The following HLTF variants were observed in gnomAD, a reference collection of about 807,000 sequenced individuals.
HLTF encodes the protein DNA-dependent ATPase/E3 ubiquitin-protein ligase HLTF.
HLTF carries 127 observed loss-of-function variants against 129.4 expected under a neutral mutation model. The ratio of observed to expected loss-of-function variants is 0.98; its 90% confidence interval spans 0.85 to 1.14. The LOEUF is 1.14. Ranked by LOEUF, HLTF falls within the 50% of genes most tolerant of loss-of-function variation. HLTF has a pLI of 0.00. For synonymous variants in HLTF, 332 were observed against 388.8 expected, an observed-to-expected ratio of 0.85 and a Z score of 1.72; for missense variants, 1,139 against 1,187.1, an observed-to-expected ratio of 0.96 and a Z score of 0.60.
intron 23 of HLTF, among the ~76,000 whole-genome samples, chr3:149,036,989 AAC>A (rs1715693332): frequency 6.6e-6 from 1 of 152,220 alleles, no homozygotes; most frequent in African/African-American, 2.4e-5. Context: ...TTTTGGTATT[AAC>A]CTCTTTGGTA....
intron 2 of HLTF, among the ~76,000 whole-genome samples, chr3:149,078,871 A>G (rs1401659123): frequency 2.0e-5 from 3 of 149,324 alleles, no homozygotes; most frequent in African/African-American, 5.0e-5. Flanking sequence ...AAAAAAAAAA[A>G]TAAGTTCAAA....
At chr3:149,071,775 G>A (rs1288715536) in intron 5 of HLTF, 118 bp from the exon 6 acceptor site, 4 of 681,704 alleles carry the variant, frequency 5.9e-6, no homozygotes, top group Non-Finnish European at 1.0e-5. Context: ...GGCCAGGAGT[G>A]GTGGCTCATG....
chr3:149,072,508 T>C (rs996224704), intron 5 of HLTF, among the ~76,000 whole-genome samples: 2 of 152,234 alleles, frequency 1.3e-5, no homozygotes, highest in African/African-American at 4.8e-5. Flanking sequence ...CTATTTAAAC[T>C]AGGTTAGTCC....
intron 15 of HLTF, among the ~76,000 whole-genome samples, chr3:149,049,919 G>A (rs1440756014): frequency 6.6e-6 from 1 of 151,952 alleles, no homozygotes; most frequent in Non-Finnish European, 1.5e-5. Context: ...CTGAAACCAG[G>A]AGGCAGAGGT....
chr3:149,059,773 A>G lies in HLTF; in HGVS notation c.1320T>C (p.Phe440=). The part of the protein sequence containing the change: ...GSSKVIEDVA[F]ACALTSSVPT... ...GAACAGATGAAGTTAATGCACATGC[A>G]AATGCCACATCTTCTATAACCTTAG... The change falls in exon 13 of 25, where the codon TTT becomes TTC. Residue 440 remains phenylalanine, a synonymous_variant. Coordinates refer to ENST00000310053, the MANE Select transcript of HLTF (RefSeq NM_003071.4). The G allele has an allele frequency of 6.2e-7, 1 of 1,604,516 alleles. No individual in the cohort carries two copies. Among genetic ancestry groups the G allele is most frequent in the Non-Finnish European group, 8.5e-7 (1 of 1,176,302 alleles).
intron 14 of HLTF, among the ~76,000 whole-genome samples, chr3:149,053,057 A>G (rs899369602): frequency 2.0e-5 from 3 of 152,222 alleles, no homozygotes; most frequent in Non-Finnish European, 2.9e-5. Flanking sequence ...CCCAGGTTCT[A>G]TTCCTTTACC....
Position 149,081,265 on chromosome 3 carries a change from T to TAA in HLTF, c.228+3415_228+3416dup, listed in dbSNP as rs62889662. ...AACCATATGCTTATTGAAAACACACTAAAAAAAAAAAAACAAAAAATAAAA... is the reference window on the plus strand; with the variant it reads ...AACCATATGCTTATTGAAAACACACTAAAAAAAAAAAAAAACAAAAAATAAAA... On this transcript the variant is annotated intron_variant, in intron 2 of 24. Coordinates refer to ENST00000310053, the MANE Select transcript of HLTF (RefSeq NM_003071.4). Among the ~76,000 whole-genome samples, 1,270 of 129,856 alleles carry TAA rather than the reference T, an allele frequency of 9.8e-3. 22 individuals carry two copies. Among genetic ancestry groups the TAA allele is most frequent in the African/African-American group, 0.034 (1,181 of 35,112 alleles). 85.2% of individuals were successfully genotyped at this position (129,856 alleles called of 152,430 possible). A position where few individuals can be genotyped will look rare whatever the true frequency, so the allele number is the denominator to read the frequency against.
At chr3:149,061,033 T>A (rs544288830) in intron 10 of HLTF, among the ~76,000 whole-genome samples, 175 bp from the exon 11 acceptor site, 3 of 152,320 alleles carry the variant, frequency 2.0e-5, no homozygotes, top group Non-Finnish European at 4.4e-5. Context: ...TCTGCTTTCA[T>A]AACCAGATAG....
Position 149,039,233 on chromosome 3 carries a change from A to T in HLTF, c.2616-4T>A. On this transcript the variant is annotated splice_region_variant and splice_polypyrimidine_tract_variant and intron_variant, in intron 22 of 24. Coordinates refer to ENST00000310053, the MANE Select transcript of HLTF (RefSeq NM_003071.4). ...AGTAAACACAAATCCAGAGGCTCTA[A>T]AGGGGGGAAGAAAAGAGACAAGTAA... 1 of 1,523,094 alleles carries T rather than the reference A, an allele frequency of 6.6e-7. No individual in the cohort carries two copies. Among genetic ancestry groups the T allele is most frequent in the Non-Finnish European group, 8.8e-7 (1 of 1,136,046 alleles). The allele number at this position is 1,523,094 out of a possible 1,614,324, so 94.3% of individuals were successfully genotyped here.
chr3:149,035,696 A>G (rs1297569190), intron 23 of HLTF, among the ~76,000 whole-genome samples: 1 of 147,806 alleles, frequency 6.8e-6, no homozygotes, highest in Non-Finnish European at 1.5e-5. Flanking sequence ...GGGTTTTAAG[A>G]GTCAGTAAGT....
intron 20 of HLTF, among the ~76,000 whole-genome samples, chr3:149,041,281 C>A (rs1429877233): frequency 6.6e-6 from 1 of 151,950 alleles, no homozygotes; most frequent in African/African-American, 2.4e-5. Flanking sequence ...ATATAAACAG[C>A]GGAATTAAGA....
At chr3:149,059,687 C>A in intron 13 of HLTF, 31 bp downstream of exon 13, 3 of 1,377,914 alleles carry the variant, frequency 2.2e-6, no homozygotes, top group South Asian at 2.6e-5. Context: ...GAAAAAAAAC[C>A]AAAAACTAGA....
chr3:149,056,437 A>G (rs1190556587), intron 13 of HLTF, among the ~76,000 whole-genome samples: 7 of 152,180 alleles, frequency 4.6e-5, no homozygotes, highest in Non-Finnish European at 1.0e-4. Flanking sequence ...CTGAGTTTTT[A>G]AAAAATTGTA....
At chr3:149,046,883 A>G (rs111755636) in intron 17 of HLTF, among the ~76,000 whole-genome samples, 7,004 of 152,248 alleles carry the variant, frequency 0.046, 465 homozygotes, top group African/African-American at 0.14. Flanking sequence ...ATATAAATAC[A>G]ATTTCCTGGA....
At position 149,056,698 on chromosome 3, in the gene HLTF, C is replaced by T. The variant is rs374876594; in HGVS notation, c.1376-1298G>A. Among the ~76,000 whole-genome samples, 4 of 152,224 alleles carry T rather than the reference C, an allele frequency of 2.6e-5. 1 individual carries two copies. Among genetic ancestry groups the T allele is most frequent in the Admixed American group, 6.5e-5 (1 of 15,292 alleles). On this transcript the variant is annotated intron_variant, in intron 13 of 24. Coordinates refer to ENST00000310053, the MANE Select transcript of HLTF (RefSeq NM_003071.4). ...TATAAAGTAGGTGCAGTAAGAGATT[C>T]GTAACAACAAAGAATAAAACAGAAC...
At chr3:149,080,888 T>C (rs975229572) in intron 2 of HLTF, among the ~76,000 whole-genome samples, 21 of 152,286 alleles carry the variant, frequency 1.4e-4, no homozygotes, top group Middle Eastern at 3.4e-3. Flanking sequence ...AGTATAGTCA[T>C]ACCCCGCATA....
Position 149,071,622 on chromosome 3 carries a change from T to C in HLTF, c.663A>G (p.Leu221=). 6.3e-7 allele frequency: 1 copy of C among 1,596,680 alleles called. No homozygotes were observed. Among genetic ancestry groups the C allele is most frequent in the East Asian group, 2.2e-5 (1 of 44,702 alleles). The stretch of plus-strand genomic sequence containing the variant: ...TTTCATGGGTTTTATCATCTTCTTT[T>C]AAATCTTCAAACAATTTGTCAAATT... ...KTEFDKLFED[L]KEDDKTHEME... is the part of the protein sequence containing the mutation. Residue 221 remains leucine, a synonymous_variant, in exon 6 of 25, where the codon TTA becomes TTG. Coordinates refer to ENST00000310053, the MANE Select transcript of HLTF (RefSeq NM_003071.4).
chr3:149,086,246 G>C, intron 1 of HLTF, 71 bp downstream of exon 1: 1 of 1,476,558 alleles, frequency 6.8e-7, no homozygotes, highest in Non-Finnish European at 9.3e-7. Context: ...GGAACGCGGG[G>C]AAGGTCAGGT....
At chr3:149,077,657 C>G (rs868298037) in intron 2 of HLTF, among the ~76,000 whole-genome samples, 8 of 150,860 alleles carry the variant, frequency 5.3e-5, no homozygotes, top group Non-Finnish European at 8.8e-5. Context: ...TCTAGAAGGC[C>G]GTAAGCAAGC....
Sources: gnomAD v4.1 joint callset for allele counts (sites outside exome capture counted in the v4.1 genomes callset) on GRCh38, gnomAD v4.1.1 for gene constraint, MANE v1.5 for transcripts, NCBI Gene and HGNC (gene_info 2026-07-23, HGNC 2026-07-21) for gene names.